Variants in ARHGAP24 observed in about 807,000 individuals in gnomAD.
ARHGAP24 encodes rho GTPase-activating protein 24.
A neutral mutation model predicts 76.4 loss-of-function variants in ARHGAP24; 50 were observed. The observed-to-expected ratio is 0.65, with a 90% CI of 0.52 to 0.83. The LOEUF (loss-of-function observed/expected upper bound fraction) is 0.83, where lower values mean the gene tolerates loss of function less well. Among genes scored for constraint, ARHGAP24 ranks in the 40% least tolerant of loss-of-function variants. The probability of loss-of-function intolerance (pLI) is 0.00; values close to 1 mark genes in which losing one functional copy is unlikely to be tolerated. For synonymous variants in ARHGAP24, 345 were observed against 323.3 expected (o/e 1.07, Z -0.72); for missense variants, 930 against 914.2 (o/e 1.02, Z -0.22).
chr4:85,632,717 G>A (rs1451564984), intron 2 of ARHGAP24, among the ~76,000 whole-genome samples: 1 of 151,526 alleles, frequency 6.6e-6, no homozygotes, highest in Non-Finnish European at 1.5e-5. Flanking sequence ...CCAATGAAAT[G>A]TTTGCCTCTC....
At chr4:85,862,285 T>C (rs916591522) in intron 3 of ARHGAP24, among the ~76,000 whole-genome samples, 1 of 151,882 alleles carries the variant, frequency 6.6e-6, no homozygotes, top group African/African-American at 2.4e-5. Context: ...GGAAGAAGAT[T>C]TATAGGCAAA....
chr4:85,754,098 C>T (rs1249546582), intron 3 of ARHGAP24, among the ~76,000 whole-genome samples: 1 of 152,162 alleles, frequency 6.6e-6, no homozygotes, highest in Non-Finnish European at 1.5e-5. Context: ...CCTCTGGTAA[C>T]CACCCAGCCT....
At chr4:85,554,837 AT>A (rs61380938) in intron 1 of ARHGAP24, among the ~76,000 whole-genome samples, 19,196 of 145,974 alleles carry the variant, frequency 0.13, 2,134 homozygotes, top group African/African-American at 0.31. Context: ...CGCCCAGCTG[AT>A]TTTTTTTTTT....
At chr4:85,551,266 T>C (rs961016717) in intron 1 of ARHGAP24, among the ~76,000 whole-genome samples, 2 of 152,254 alleles carry the variant, frequency 1.3e-5, no homozygotes, top group African/African-American at 4.8e-5. Flanking sequence ...AAAAGCCTTT[T>C]CTGAATCTAT....
At chr4:85,676,207 G>A (rs569820501) in intron 2 of ARHGAP24, among the ~76,000 whole-genome samples, 7 of 152,220 alleles carry the variant, frequency 4.6e-5, no homozygotes, top group South Asian at 4.1e-4. Context: ...AAAATGAAAG[G>A]CATAATAAAT....
At chr4:85,925,945 A>G (rs1338057482) in intron 4 of ARHGAP24, among the ~76,000 whole-genome samples, 1 of 152,162 alleles carries the variant, frequency 6.6e-6, no homozygotes, top group Admixed American at 6.5e-5. Flanking sequence ...AGTTCAGAAG[A>G]ATCTTTAATA....
intron 3 of ARHGAP24, among the ~76,000 whole-genome samples, chr4:85,871,099 C>A (rs1015879681): frequency 6.6e-6 from 1 of 152,018 alleles, no homozygotes; most frequent in African/African-American, 2.4e-5. Context: ...TTGATTTTCT[C>A]ATCTGTTCTA....
chr4:85,905,284 GT>G (rs1346831072), intron 3 of ARHGAP24, among the ~76,000 whole-genome samples: 16 of 152,032 alleles, frequency 1.1e-4, no homozygotes, highest in African/African-American at 3.6e-4. Flanking sequence ...ATTTTTTTAA[GT>G]CATACGGGCT....
intron 1 of ARHGAP24, among the ~76,000 whole-genome samples, chr4:85,543,088 T>C (rs1197657926): frequency 6.6e-6 from 1 of 152,102 alleles, no homozygotes; most frequent in African/African-American, 2.4e-5. Context: ...CACTGCATAT[T>C]TGGGTTACAT....
At chr4:85,694,287 A>G (rs1723788994) in intron 2 of ARHGAP24, among the ~76,000 whole-genome samples, 1 of 152,030 alleles carries the variant, frequency 6.6e-6, no homozygotes, top group South Asian at 2.1e-4. Context: ...AGTGGGAAAG[A>G]ACCACTGGTG....
chr4:85,537,292 A>G (rs1353873914), intron 1 of ARHGAP24, among the ~76,000 whole-genome samples: 3 of 152,176 alleles, frequency 2.0e-5, no homozygotes, highest in Non-Finnish European at 4.4e-5. Context: ...ACTCAATTAG[A>G]GAAAAACACA....
intron 4 of ARHGAP24, among the ~76,000 whole-genome samples, chr4:85,928,732 G>T (rs1356710133): frequency 6.6e-6 from 1 of 152,164 alleles, no homozygotes; most frequent in Non-Finnish European, 1.5e-5. Flanking sequence ...AAAGTGCTGG[G>T]ATTATAGGTG....
At chr4:85,896,516 A>G (rs1226173013) in intron 3 of ARHGAP24, among the ~76,000 whole-genome samples, 3 of 152,194 alleles carry the variant, frequency 2.0e-5, no homozygotes, top group Non-Finnish European at 4.4e-5. Flanking sequence ...GGTAGAATAT[A>G]CTGTATTTAG....
intron 3 of ARHGAP24, among the ~76,000 whole-genome samples, chr4:85,771,224 T>A (rs1727119326): frequency 6.6e-6 from 1 of 152,184 alleles, no homozygotes; most frequent in Admixed American, 6.5e-5. Flanking sequence ...GCTAAGAAGT[T>A]CCATGAACTT....
At chr4:85,566,899 G>A (rs1225764828) in intron 1 of ARHGAP24, among the ~76,000 whole-genome samples, 1 of 152,160 alleles carries the variant, frequency 6.6e-6, no homozygotes, top group East Asian at 1.9e-4. Flanking sequence ...AGATAAAAAG[G>A]AGTTGAGCAT....
intron 5 of ARHGAP24, among the ~76,000 whole-genome samples, chr4:85,948,481 G>T (rs1234983045): frequency 6.6e-6 from 1 of 151,954 alleles, no homozygotes; most frequent in Non-Finnish European, 1.5e-5. Context: ...GCAGATTTTT[G>T]CTAATGTAGG....
rs151289777 is a variant in ARHGAP24 at position 85,785,170 on chromosome 4, C to T, written c.268+63198C>T. Among the ~76,000 whole-genome samples, 247 of 152,208 alleles carry T rather than the reference C, an allele frequency of 1.6e-3. 2 individuals carry two copies. Among genetic ancestry groups the T allele is most frequent in the African/African-American group, 5.5e-3 (229 of 41,526 alleles). ...GTTTCAGGGTGTCAATAATGAATAA[C>T]CTATGTCAAAACCTTCTATGTGCCA... On this transcript the variant is annotated intron_variant, in intron 3 of 9. Coordinates refer to ENST00000395184, the MANE Select transcript of ARHGAP24 (RefSeq NM_001025616.3).
intron 2 of ARHGAP24, among the ~76,000 whole-genome samples, chr4:85,613,736 T>C (rs961775219): frequency 6.6e-6 from 1 of 152,172 alleles, no homozygotes; most frequent in African/African-American, 2.4e-5. Flanking sequence ...ATATTTTCTG[T>C]CTCCAAATTA....
intron 3 of ARHGAP24, among the ~76,000 whole-genome samples, chr4:85,782,167 C>T (rs985898312): frequency 2.0e-5 from 3 of 151,806 alleles, no homozygotes; most frequent in Non-Finnish European, 2.9e-5. Flanking sequence ...ATTGAAACAC[C>T]GCTGTTTTAA....
Sources: allele counts gnomAD v4.1 joint callset (sites outside exome capture counted in the v4.1 genomes callset), GRCh38; gene constraint gnomAD v4.1.1; transcripts MANE v1.5; gene names NCBI Gene and HGNC (gene_info 2026-07-23, HGNC 2026-07-21).